Variants in THADA observed in about 807,000 individuals in gnomAD.
The protein encoded by THADA is tRNA (32-2'-O)-methyltransferase regulator THADA.
THADA carries 213 observed loss-of-function variants against 219.8 expected under a neutral mutation model. That is an observed-to-expected ratio of 0.97 (90% CI 0.87 to 1.09). The LOEUF is 1.09. Ranked by LOEUF, THADA falls within the 50% of genes least tolerant of loss-of-function variation. THADA has a pLI of 0.00. For synonymous variants in THADA, 1,018 were observed against 828.9 expected (o/e 1.23, Z -3.92); for missense variants, 2,956 against 2,311.3 (o/e 1.28, Z -5.72).
rs59802310 is a variant in THADA, at chr2:43,238,118, C to CAAAAAAAAAAAAAAAAA, written c.5297-5253_5297-5237dup. Among the ~76,000 whole-genome samples, 6 of 28,282 alleles carry CAAAAAAAAAAAAAAAAA rather than the reference C, an allele frequency of 2.1e-4. 1 individual carries two copies. The highest frequency in any genetic ancestry group is 6.2e-4 in the African/African-American group (5 of 8,036). 18.6% of individuals were successfully genotyped at this position (28,282 alleles called of 152,430 possible). A position where few individuals can be genotyped will look rare whatever the true frequency, so the allele number is the denominator to read the frequency against. On this transcript the variant is annotated intron_variant, in intron 36 of 37. Coordinates refer to ENST00000405975, the MANE Select transcript of THADA (RefSeq NM_022065.5). ...TGGATGACAGAGCAAGATTCCATCT[C>CAAAAAAAAAAAAAAAAA]AAAAAAAAAAAAAAAAAAAAAAAAA...
At chr2:43,502,318 C>T (rs539390402) in intron 24 of THADA, among the ~76,000 whole-genome samples, 16 of 152,182 alleles carry the variant, frequency 1.1e-4, no homozygotes, top group South Asian at 4.1e-4. Flanking sequence ...GGTGTGGTGG[C>T]TCACGCCGGT....
Position 43,587,023 on chromosome 2 carries a change from T to A in THADA, c.303-21A>T, listed in dbSNP as rs925398148. ...GTGAGCTAGAAAAAGAAACAAATATTAAAAATCTGACAATCTAATAGCCCC... is the reference window on the plus strand; with the variant it reads ...GTGAGCTAGAAAAAGAAACAAATATAAAAAATCTGACAATCTAATAGCCCC... On this transcript the variant is annotated intron_variant, in intron 4 of 37. Coordinates refer to ENST00000405975, the MANE Select transcript of THADA (RefSeq NM_022065.5). 4 of 1,605,562 alleles carry A rather than the reference T, an allele frequency of 2.5e-6. No homozygotes were observed. The African/African-American group carries it at 5.4e-5, about 22-fold the overall frequency.
At chr2:43,355,548 CTGGTG>C (rs1668781990) in intron 29 of THADA, among the ~76,000 whole-genome samples, 1 of 152,218 alleles carries the variant, frequency 6.6e-6, no homozygotes. Flanking sequence ...GACTGACCTT[CTGGTG>C]TGACAGCCAA....
chr2:43,482,704 C>T (rs1686380860), intron 26 of THADA, among the ~76,000 whole-genome samples: 2 of 152,010 alleles, frequency 1.3e-5, no homozygotes, highest in South Asian at 4.1e-4. Context: ...CTCTAGGTAC[C>T]CAAGAATGGT....
intron 26 of THADA, among the ~76,000 whole-genome samples, chr2:43,433,292 G>C (rs1679615827): frequency 6.6e-6 from 1 of 152,020 alleles, no homozygotes; most frequent in African/African-American, 2.4e-5. Context: ...CATTTTGGGA[G>C]GCCGAGCCGG....
At chr2:43,555,575 A>G (rs924563606) in intron 17 of THADA, among the ~76,000 whole-genome samples, 2 of 152,136 alleles carry the variant, frequency 1.3e-5, no homozygotes, top group Non-Finnish European at 2.9e-5. Context: ...TTTGAAATCC[A>G]GCTATGAAGC....
In THADA at chr2:43,592,417, C is replaced by A. The variant is rs1701676134; in HGVS notation, c.-24-1G>T. ...TTTTAAATAGAATTAATAGTAGTCA[C>A]TGCAAGAAAGAAGACTTTAAGGCAT... On this transcript the variant is annotated splice_acceptor_variant, in intron 1 of 37. Coordinates refer to ENST00000405975, the MANE Select transcript of THADA (RefSeq NM_022065.5). LOFTEE classifies it low-confidence loss of function (5UTR_SPLICE). 6.6e-7 allele frequency: 1 copy of A among 1,524,236 alleles called. No individual in the cohort carries two copies. The highest frequency in any genetic ancestry group is 1.4e-5 in the African/African-American group (1 of 73,040). 94.4% of individuals were successfully genotyped at this position (1,524,236 alleles called of 1,614,324 possible).
intron 36 of THADA, among the ~76,000 whole-genome samples, chr2:43,236,783 C>T (rs539987109): frequency 2.4e-4 from 36 of 151,886 alleles, no homozygotes; most frequent in Admixed American, 1.1e-3. Context: ...CAGCGTGGGC[C>T]GGGCACGGTG....
At chr2:43,264,896 G>A (rs1039449971) in intron 36 of THADA, among the ~76,000 whole-genome samples, 2 of 152,198 alleles carry the variant, frequency 1.3e-5, no homozygotes, top group African/African-American at 4.8e-5. Flanking sequence ...AGAAACAAAT[G>A]AACCCACTTT....
At chr2:43,592,684 AAG>A (rs1363456093) in intron 1 of THADA, among the ~76,000 whole-genome samples, 3 of 152,222 alleles carry the variant, frequency 2.0e-5, no homozygotes, top group Non-Finnish European at 2.9e-5. Flanking sequence ...TGATTTGAAG[AAG>A]AAAAATGTTT....
intron 22 of THADA, among the ~76,000 whole-genome samples, chr2:43,510,533 T>A (rs1690274714): frequency 6.6e-6 from 1 of 152,018 alleles, no homozygotes; most frequent in Non-Finnish European, 1.5e-5. Context: ...TCTCTATTAA[T>A]AATATTGCCA....
intron 23 of THADA, among the ~76,000 whole-genome samples, chr2:43,507,225 G>T (rs1187124164): frequency 6.6e-6 from 1 of 152,058 alleles, no homozygotes; most frequent in African/African-American, 2.4e-5. Flanking sequence ...ATGACTTCAG[G>T]GAACCACGGC....
At chr2:43,476,846 G>A (rs1685613563) in intron 26 of THADA, among the ~76,000 whole-genome samples, 1 of 152,026 alleles carries the variant, frequency 6.6e-6, no homozygotes, top group Admixed American at 6.6e-5. Flanking sequence ...TTGGGAAAAT[G>A]GAAATTATGT....
chr2:43,290,417 C>A (rs1472435159), intron 34 of THADA, among the ~76,000 whole-genome samples: 1 of 152,036 alleles, frequency 6.6e-6, no homozygotes, highest in Admixed American at 6.6e-5. Flanking sequence ...CTTTGAGTGA[C>A]AGATCTAAGG....
chr2:43,529,422 T>G (rs554967193), intron 21 of THADA, among the ~76,000 whole-genome samples: 1 of 152,196 alleles, frequency 6.6e-6, no homozygotes, highest in South Asian at 2.1e-4. Flanking sequence ...CACTGTGCAC[T>G]ACAGTCTCCA....
intron 36 of THADA, 62 bp downstream of exon 36, chr2:43,279,703 A>T: frequency 6.7e-7 from 1 of 1,497,740 alleles, no homozygotes; most frequent in Non-Finnish European, 8.9e-7. Flanking sequence ...CTCATTATAG[A>T]AAAGTGTTCC....
Position 43,586,451 on chromosome 2 carries a change from T to C in THADA, c.485-2A>G, listed in dbSNP as rs1156393863. On this transcript the variant is annotated splice_acceptor_variant, in intron 6 of 37. Transcript: ENST00000405975. LOFTEE classifies it high-confidence loss of function. ...AACTCTTCTGCAGAAAATGAAGCAC[T>C]GAAACAAAAAGAATATGACAAATAA... 2.5e-6 allele frequency: 4 copies of C among 1,570,152 alleles called. No homozygotes were observed. Among genetic ancestry groups the C allele is most frequent in the Non-Finnish European group, 3.5e-6 (4 of 1,159,050 alleles).
At chr2:43,381,080 A>G (rs1487291882) in intron 29 of THADA, among the ~76,000 whole-genome samples, 6 of 144,174 alleles carry the variant, frequency 4.2e-5, no homozygotes, top group Non-Finnish European at 9.1e-5. Flanking sequence ...CCCGGGCGAG[A>G]CAGAGCGAGA....
intron 22 of THADA, among the ~76,000 whole-genome samples, chr2:43,518,122 C>T (rs1223267895): frequency 6.6e-6 from 1 of 152,160 alleles, no homozygotes. Flanking sequence ...ATCAAGGACA[C>T]ATTCCTTCCT....
Sources: allele counts gnomAD v4.1 joint callset (sites outside exome capture counted in the v4.1 genomes callset), GRCh38; gene constraint gnomAD v4.1.1; transcripts MANE v1.5; gene names NCBI Gene and HGNC (gene_info 2026-07-23, HGNC 2026-07-21).